Variants in TACR1 observed in about 807,000 individuals in gnomAD.
TACR1 encodes the protein substance-P receptor.
Under a neutral mutation model 35.8 loss-of-function variants are expected in TACR1, and 25 were observed. The observed-to-expected ratio is 0.70, with a 90% CI of 0.51 to 0.98. The LOEUF (loss-of-function observed/expected upper bound fraction) is 0.98, where lower values mean the gene tolerates loss of function less well. Among genes scored for constraint, TACR1 ranks in the 50% least tolerant of loss-of-function variants. The pLI, the probability that TACR1 is intolerant of heterozygous loss-of-function variation, is 0.00. For missense variants in TACR1, 478 were observed against 522.9 expected, an observed-to-expected ratio of 0.91 and a Z score of 0.84; for synonymous variants, 195 against 206.7, an observed-to-expected ratio of 0.94 and a Z score of 0.48.
chr2:75,073,305 ACT>A (rs1264884882), intron 2 of TACR1, among the ~76,000 whole-genome samples: 1 of 152,176 alleles, frequency 6.6e-6, no homozygotes, highest in Non-Finnish European at 1.5e-5. Context: ...GTGTGTGGAC[ACT>A]CTCAGTGGAA....
At chr2:75,176,069 C>T (rs1675409992) in intron 1 of TACR1, among the ~76,000 whole-genome samples, 1 of 149,792 alleles carries the variant, frequency 6.7e-6, no homozygotes, top group Admixed American at 6.6e-5. Context: ...TTGTATCTGC[C>T]ATCCATTGCT....
intron 1 of TACR1, among the ~76,000 whole-genome samples, chr2:75,196,564 C>T (rs1675980483): frequency 6.6e-6 from 1 of 152,050 alleles, no homozygotes; most frequent in African/African-American, 2.4e-5. Flanking sequence ...CACAGAGGGT[C>T]GGGGCTCTGC....
intron 1 of TACR1, among the ~76,000 whole-genome samples, chr2:75,129,911 C>A (rs75156467): frequency 6.6e-6 from 1 of 152,176 alleles, no homozygotes; most frequent in African/African-American, 2.4e-5. Context: ...TGATATTTCC[C>A]TGCCTCCTCC....
At chr2:75,119,949 G>C (rs148796357) in intron 2 of TACR1, among the ~76,000 whole-genome samples, 1 of 152,196 alleles carries the variant, frequency 6.6e-6, no homozygotes, top group Admixed American at 6.5e-5. Context: ...GCAGCTACCC[G>C]TGGAGATTAA....
intron 1 of TACR1, among the ~76,000 whole-genome samples, chr2:75,180,302 C>T (rs1675532599): frequency 6.6e-6 from 1 of 152,064 alleles, no homozygotes. Context: ...TTGTTGTATC[C>T]TTAGAATCTA....
intron 1 of TACR1, among the ~76,000 whole-genome samples, chr2:75,177,170 T>C (rs1250856992): frequency 1.3e-5 from 2 of 151,414 alleles, no homozygotes; most frequent in Non-Finnish European, 2.9e-5. Flanking sequence ...CCACCCCCTC[T>C]GAAGCACTTG....
chr2:75,129,128 A>G (rs1050315922), intron 1 of TACR1, among the ~76,000 whole-genome samples: 2 of 152,204 alleles, frequency 1.3e-5, no homozygotes, highest in African/African-American at 2.4e-5. Context: ...TGTCTTTGAG[A>G]TTTTAATTAC....
In TACR1 at chr2:75,133,716, A is replaced by G. The variant is rs184711147; in HGVS notation, c.390-12948T>C. Among the ~76,000 whole-genome samples, 23 of 152,240 alleles carry G rather than the reference A, an allele frequency of 1.5e-4. 1 individual carries two copies. Among genetic ancestry groups the G allele is most frequent in the Admixed American group, 1.5e-3 (23 of 15,282 alleles). ...AAACTTCTTTTCTCTGAACATATAA[A>G]CATATATATTTGTCGGGGACATCTG... On this transcript the variant is annotated intron_variant, in intron 1 of 4. Transcript: ENST00000305249.
chr2:75,178,536 GA>G (rs56133405), intron 1 of TACR1, among the ~76,000 whole-genome samples: 2 of 147,214 alleles, frequency 1.4e-5, no homozygotes, highest in Admixed American at 6.8e-5. Flanking sequence ...TTTCCCCATT[GA>G]AAAAAAAACA....
At chr2:75,116,178 C>T (rs1673854308) in intron 2 of TACR1, among the ~76,000 whole-genome samples, 1 of 152,096 alleles carries the variant, frequency 6.6e-6, no homozygotes, top group Non-Finnish European at 1.5e-5. Context: ...GACCTCAGCT[C>T]CTCTCAACCT....
intron 2 of TACR1, among the ~76,000 whole-genome samples, chr2:75,104,802 C>T (rs1673607659): frequency 6.6e-6 from 1 of 152,016 alleles, no homozygotes; most frequent in Non-Finnish European, 1.5e-5. Flanking sequence ...CAGCACTAAT[C>T]ATCAGGGAAA....
At chr2:75,166,642 AAG>A (rs1675149684) in intron 1 of TACR1, among the ~76,000 whole-genome samples, 1 of 152,232 alleles carries the variant, frequency 6.6e-6, no homozygotes, top group South Asian at 2.1e-4. Context: ...GATATTTTCA[AAG>A]AGAGCAAGAG....
intron 2 of TACR1, among the ~76,000 whole-genome samples, chr2:75,105,870 A>C (rs1219531595): frequency 6.6e-6 from 1 of 151,986 alleles, no homozygotes; most frequent in Non-Finnish European, 1.5e-5. Context: ...ACTATCAAAG[A>C]CATCACAAAC....
chr2:75,154,061 G>A (rs1468579723), intron 1 of TACR1, among the ~76,000 whole-genome samples: 2 of 152,100 alleles, frequency 1.3e-5, no homozygotes, highest in East Asian at 1.9e-4. Flanking sequence ...ATTGAAGGGC[G>A]GGGGTGTGGG....
chr2:75,058,387 G>A (rs190935320), intron 2 of TACR1, among the ~76,000 whole-genome samples: 2 of 152,284 alleles, frequency 1.3e-5, no homozygotes, highest in East Asian at 3.9e-4. Flanking sequence ...GTGGCTCTAT[G>A]CTTGCTTTGG....
intron 1 of TACR1, among the ~76,000 whole-genome samples, chr2:75,191,443 ATC>A (rs1449654961): frequency 6.6e-6 from 1 of 152,040 alleles, no homozygotes; most frequent in Non-Finnish European, 1.5e-5. Flanking sequence ...TATCATTTTC[ATC>A]TCTCTGAGTT....
chr2:75,184,095 G>A (rs1436762143), intron 1 of TACR1, among the ~76,000 whole-genome samples: 5 of 152,122 alleles, frequency 3.3e-5, no homozygotes, highest in South Asian at 4.1e-4. Flanking sequence ...ATGCAAAAAC[G>A]TAAATGAAAT....
intron 1 of TACR1, among the ~76,000 whole-genome samples, chr2:75,184,858 C>T (rs1465251016): frequency 6.6e-6 from 1 of 151,574 alleles, no homozygotes; most frequent in African/African-American, 2.4e-5. Flanking sequence ...ATTAAAAGCT[C>T]GACTACATAG....
At chr2:75,083,068 T>G (rs1218789002) in intron 2 of TACR1, among the ~76,000 whole-genome samples, 1 of 152,200 alleles carries the variant, frequency 6.6e-6, no homozygotes, top group Non-Finnish European at 1.5e-5. Context: ...GGTCTAACAT[T>G]TAAGTCTTTA....
Sources: gnomAD v4.1 joint callset for allele counts (sites outside exome capture counted in the v4.1 genomes callset) on GRCh38, gnomAD v4.1.1 for gene constraint, MANE v1.5 for transcripts, NCBI Gene and HGNC (gene_info 2026-07-23, HGNC 2026-07-21) for gene names.